PRLR: variants seen among roughly 807,000 people sequenced by gnomAD.
The protein encoded by PRLR is hPRL receptor.
A neutral mutation model predicts 40.2 loss-of-function variants in PRLR; 13 were observed. The observed-to-expected ratio is 0.32, with a 90% CI of 0.21 to 0.51. The LOEUF is 0.51. Ranked by LOEUF, PRLR falls within the 20% of genes least tolerant of loss-of-function variation. PRLR has a pLI of 0.97. For synonymous variants in PRLR, 269 were observed against 278.7 expected (o/e 0.97, Z 0.35); for missense variants, 656 against 747.3 (o/e 0.88, Z 1.42).
intron 2 of PRLR, among the ~76,000 whole-genome samples, chr5:35,113,380 TCCA>T (rs1484219266): frequency 6.8e-5 from 2 of 29,564 alleles, no homozygotes; most frequent in African/African-American, 2.8e-4. Flanking sequence ...CACCCATTTA[TCCA>T]TCCATCCATC....
intron 2 of PRLR, among the ~76,000 whole-genome samples, chr5:35,101,668 A>T (rs1771885470): frequency 6.6e-6 from 1 of 151,244 alleles, no homozygotes; most frequent in South Asian, 2.1e-4. Flanking sequence ...TCTAAAGCAC[A>T]CCCTTTCAGG....
chr5:35,072,477 G>C, intron 6 of PRLR, 98 bp downstream of exon 6: 1 of 1,385,038 alleles, frequency 7.2e-7, no homozygotes, highest in Non-Finnish European at 9.9e-7. Flanking sequence ...GGCCAACACA[G>C]TGACCCAGTA....
intron 1 of PRLR, among the ~76,000 whole-genome samples, chr5:35,212,715 C>T (rs1300914302): frequency 6.6e-6 from 1 of 152,132 alleles, no homozygotes; most frequent in African/African-American, 2.4e-5. Flanking sequence ...TTTTGCATAA[C>T]CAAGCATGTA....
chr5:35,170,084 T>A (rs768623391), intron 1 of PRLR, among the ~76,000 whole-genome samples: 2 of 152,176 alleles, frequency 1.3e-5, no homozygotes, highest in Non-Finnish European at 2.9e-5. Context: ...CAAATTTTGG[T>A]TTAGTCAAGA....
chr5:35,118,384 A>G (rs1446842918), intron 1 of PRLR, among the ~76,000 whole-genome samples: 1 of 151,954 alleles, frequency 6.6e-6, no homozygotes, highest in Non-Finnish European at 1.5e-5. Flanking sequence ...CTATTTTACC[A>G]CATCTGATTT....
chr5:35,081,135 A>G (rs1770486948), intron 5 of PRLR: 1 of 152,634 alleles, frequency 6.6e-6, no homozygotes, highest in African/African-American at 2.4e-5. Flanking sequence ...GCACATGTAT[A>G]CATATGTAAC....
chr5:35,168,936 A>G (rs2111935192), intron 1 of PRLR, among the ~76,000 whole-genome samples: 1 of 152,290 alleles, frequency 6.6e-6, no homozygotes, highest in East Asian at 1.9e-4. Flanking sequence ...GTTATAAGTG[A>G]ATCTGGATCC....
chr5:35,168,795 G>A (rs1327529044), intron 1 of PRLR, among the ~76,000 whole-genome samples: 1 of 152,070 alleles, frequency 6.6e-6, no homozygotes, highest in Non-Finnish European at 1.5e-5. Flanking sequence ...GGTACATCAT[G>A]GATTTCACAT....
chr5:35,136,775 A>G lies in PRLR; in HGVS notation c.-105-18653T>C, dbSNP rs190392942. Among the ~76,000 whole-genome samples the G allele has an allele frequency of 4.2e-3, 639 of 152,248 alleles. 4 individuals are homozygous for G. Among genetic ancestry groups the G allele is most frequent in the African/African-American group, 0.015 (612 of 41,538 alleles). On this transcript the variant is annotated intron_variant, in intron 1 of 9. Coordinates refer to ENST00000618457, the MANE Select transcript of PRLR (RefSeq NM_000949.7). The stretch of plus-strand genomic sequence containing the variant: ...CTTTTTACAGTGGTTCTCAAACTTC[A>G]TCAGAATCACCTAGAAGGCTTGAAA...
At chr5:35,185,822 C>T (rs149761964) in intron 1 of PRLR, among the ~76,000 whole-genome samples, 4 of 152,184 alleles carry the variant, frequency 2.6e-5, no homozygotes, top group South Asian at 2.1e-4. Flanking sequence ...GGAGGGAGTC[C>T]GTAGGAGGGA....
intron 2 of PRLR, among the ~76,000 whole-genome samples, chr5:35,111,478 T>C (rs941510350): frequency 1.1e-4 from 17 of 152,178 alleles, no homozygotes; most frequent in African/African-American, 3.9e-4. Context: ...TAGATACACT[T>C]TGAATCACAA....
chr5:35,068,373 T>C (rs1228820063), intron 8 of PRLR, 88 bp from the exon 9 acceptor site: 5 of 1,158,356 alleles, frequency 4.3e-6, no homozygotes, highest in East Asian at 2.4e-5. Context: ...CTATAGGGAC[T>C]GTGATAGAGA....
intron 3 of PRLR, among the ~76,000 whole-genome samples, chr5:35,088,071 A>C (rs764347032): frequency 9.2e-5 from 14 of 152,202 alleles, no homozygotes; most frequent in Non-Finnish European, 2.1e-4. Context: ...CAGTGAGGAG[A>C]AATGCGTGGG....
intron 1 of PRLR, among the ~76,000 whole-genome samples, chr5:35,220,814 C>G (rs1776395383): frequency 6.6e-6 from 1 of 152,166 alleles, no homozygotes; most frequent in African/African-American, 2.4e-5. Context: ...CCCCAGAAAA[C>G]AAAATGCTAC....
chr5:35,139,638 TTAAAGA>T (rs1773957917), intron 1 of PRLR, among the ~76,000 whole-genome samples: 3 of 152,162 alleles, frequency 2.0e-5, no homozygotes, highest in South Asian at 2.1e-4. Context: ...AACTAAAAGG[TTAAAGA>T]TAAAGTAATG....
chr5:35,170,188 T>C (rs1046591789), intron 1 of PRLR, among the ~76,000 whole-genome samples: 1 of 152,228 alleles, frequency 6.6e-6, no homozygotes, highest in Non-Finnish European at 1.5e-5. Context: ...TGTGCTGCAA[T>C]ATAAGCAGCC....
chr5:35,085,965 A>G (rs1163468689), intron 4 of PRLR, among the ~76,000 whole-genome samples: 2 of 152,122 alleles, frequency 1.3e-5, no homozygotes, highest in Non-Finnish European at 2.9e-5. Context: ...AATGCCAAGC[A>G]TCAGCATCCA....
In PRLR at chr5:35,167,187, A is replaced by G. The variant is rs144918411; in HGVS notation, c.-105-49065T>C. ...TATCTATCTATCTATCTATCTATCTATCATCTAACTCTTTAAAGATATTGG... is the reference window on the plus strand; with the variant it reads ...TATCTATCTATCTATCTATCTATCTGTCATCTAACTCTTTAAAGATATTGG... On this transcript the variant is annotated intron_variant, in intron 1 of 9. Transcript: ENST00000618457. 1.1e-4 allele frequency among the ~76,000 whole-genome samples: 16 copies of G among 145,280 alleles called. No individual in the cohort carries two copies. The East Asian group carries it at 2.0e-3, about 18-fold the overall frequency.
intron 2 of PRLR, among the ~76,000 whole-genome samples, chr5:35,109,757 A>G (rs1772523207): frequency 1.3e-5 from 2 of 152,206 alleles, no homozygotes. Flanking sequence ...GAACACTTTT[A>G]CACTATTGGT....
Sources: allele counts gnomAD v4.1 joint callset (sites outside exome capture counted in the v4.1 genomes callset), GRCh38; gene constraint gnomAD v4.1.1; transcripts MANE v1.5; gene names NCBI Gene and HGNC (gene_info 2026-07-23, HGNC 2026-07-21).